The following FNBP1L variants were observed in gnomAD, a reference collection of about 807,000 sequenced individuals.
FNBP1L encodes formin binding protein 1 like, also known as formin-binding protein 1-like.
Under a neutral mutation model 91.2 loss-of-function variants are expected in FNBP1L, and 36 were observed. That is an observed-to-expected ratio of 0.39 (90% CI 0.30 to 0.52). FNBP1L has a LOEUF of 0.52. Among genes scored for constraint, FNBP1L ranks in the 20% least tolerant of loss-of-function variants. The probability of loss-of-function intolerance (pLI) is 0.66; values close to 1 mark genes in which losing one functional copy is unlikely to be tolerated. For missense variants in FNBP1L, 571 were observed against 732.1 expected, an observed-to-expected ratio of 0.78 and a Z score of 2.54; for synonymous variants, 242 against 237.0, an observed-to-expected ratio of 1.02 and a Z score of -0.19.
rs1162101786 is a variant in FNBP1L, at chr1:93,516,306, T to C, written c.141-5776T>C. ...GGCACCCGGATTTGAACCGGGGACC[T>C]CTTGATCTGCAGTCAAATGCTCTAC... On this transcript the variant is annotated intron_variant, in intron 2 of 16. Transcript: ENST00000271234. Among the ~76,000 whole-genome samples, 3 of 152,190 alleles carry C rather than the reference T, an allele frequency of 2.0e-5. No homozygotes were observed. The East Asian group carries it at 5.8e-4, about 29-fold the overall frequency.
chr1:93,532,900 T>A (rs1189850237), intron 7 of FNBP1L, 22 bp from the exon 8 acceptor site: 17 of 1,566,826 alleles, frequency 1.1e-5, no homozygotes, highest in Admixed American at 1.9e-5. Context: ...TTTCTCTTTT[T>A]AAAAAAATTC....
At chr1:93,540,812 A>G (rs1570867341) in intron 10 of FNBP1L, among the ~76,000 whole-genome samples, 1 of 151,322 alleles carries the variant, frequency 6.6e-6, no homozygotes, top group Non-Finnish European at 1.5e-5. Flanking sequence ...AGTTAAACAT[A>G]GAAAATATCT....
At chr1:93,457,266 G>A (rs774486987) in intron 1 of FNBP1L, among the ~76,000 whole-genome samples, 5 of 152,184 alleles carry the variant, frequency 3.3e-5, no homozygotes, top group Non-Finnish European at 7.3e-5. Flanking sequence ...CGTATGGTAA[G>A]TACTCTTTTG....
chr1:93,484,502 A>G (rs919791793), intron 1 of FNBP1L, among the ~76,000 whole-genome samples: 7 of 152,196 alleles, frequency 4.6e-5, no homozygotes, highest in African/African-American at 1.4e-4. Context: ...ATGAGTGCCT[A>G]TACACAAAGA....
intron 8 of FNBP1L, among the ~76,000 whole-genome samples, 155 bp from the exon 9 acceptor site, chr1:93,534,550 A>G (rs931610261): frequency 2.0e-5 from 3 of 152,184 alleles, no homozygotes; most frequent in Non-Finnish European, 4.4e-5. Context: ...AGTTTGTTAC[A>G]CATTCATGGG....
chr1:93,466,064 T>C (rs1383429218), intron 1 of FNBP1L, among the ~76,000 whole-genome samples: 1 of 152,214 alleles, frequency 6.6e-6, no homozygotes, highest in Non-Finnish European at 1.5e-5. Context: ...TGTTTTTTTT[T>C]CTTGTAAATT....
At chr1:93,534,969 G>C in intron 9 of FNBP1L, 61 bp downstream of exon 9, 1 of 1,303,032 alleles carries the variant, frequency 7.7e-7, no homozygotes, top group African/African-American at 1.5e-5. Context: ...AAACAATGTG[G>C]GTATTGAATG....
intron 14 of FNBP1L, among the ~76,000 whole-genome samples, chr1:93,548,173 A>G (rs1672301233): frequency 6.6e-6 from 1 of 152,180 alleles, no homozygotes; most frequent in Non-Finnish European, 1.5e-5. Flanking sequence ...GAAAGAGTAC[A>G]TATCTTTAAT....
In FNBP1L at chr1:93,530,230, G is replaced by T. The variant is rs147314997; in HGVS notation, c.510+474G>T. 1.9e-3 allele frequency among the ~76,000 whole-genome samples: 290 copies of T among 152,216 alleles called. 2 individuals carry two copies. Among genetic ancestry groups the T allele is most frequent in the African/African-American group, 6.7e-3 (279 of 41,574 alleles). On this transcript the variant is annotated intron_variant, in intron 6 of 16. Transcript: ENST00000271234. ...AAAGTATCTGTGGTTCTACACATTG[G>T]TGGAAACACTGTTGAATGTTGCATT... is the stretch of plus-strand genomic sequence containing the variant.
At chr1:93,516,192 G>GA (rs373718372) in intron 2 of FNBP1L, among the ~76,000 whole-genome samples, 23,391 of 149,282 alleles carry the variant, frequency 0.16, 1,998 homozygotes, top group Middle Eastern at 0.19. Flanking sequence ...TGTCAAGGGG[G>GA]AAAAAAAAAA....
chr1:93,467,330 T>G (rs534684377), intron 1 of FNBP1L, among the ~76,000 whole-genome samples: 1 of 152,298 alleles, frequency 6.6e-6, no homozygotes, highest in Non-Finnish European at 1.5e-5. Context: ...TGACACATTC[T>G]ATAAAACATG....
chr1:93,532,738 T>C (rs1201200110), intron 7 of FNBP1L, among the ~76,000 whole-genome samples, 184 bp from the exon 8 acceptor site: 4 of 152,152 alleles, frequency 2.6e-5, no homozygotes, highest in African/African-American at 9.7e-5. Context: ...TTTCTTTCTT[T>C]TGTTGTTTAG....
At chr1:93,520,256 T>C (rs988265522) in intron 2 of FNBP1L, among the ~76,000 whole-genome samples, 11 of 152,206 alleles carry the variant, frequency 7.2e-5, no homozygotes, top group African/African-American at 2.7e-4. Context: ...ATGAATAAAT[T>C]GATTCAAGTG....
At chr1:93,487,860 A>AT (rs1230698602) in intron 1 of FNBP1L, among the ~76,000 whole-genome samples, 7 of 152,188 alleles carry the variant, frequency 4.6e-5, no homozygotes, top group Middle Eastern at 3.4e-3. Context: ...GTCCAGGGTA[A>AT]TTTTTTTATC....
chr1:93,516,536 C>T (rs1385681629), intron 2 of FNBP1L, among the ~76,000 whole-genome samples: 1 of 152,136 alleles, frequency 6.6e-6, no homozygotes, highest in Non-Finnish European at 1.5e-5. Flanking sequence ...ACATCCTGGG[C>T]TGGGCACGAT....
At chr1:93,497,794 A>G (rs964358260) in intron 1 of FNBP1L, among the ~76,000 whole-genome samples, 6 of 151,904 alleles carry the variant, frequency 3.9e-5, no homozygotes, top group Non-Finnish European at 8.8e-5. Flanking sequence ...CAATTTTTGT[A>G]TTTTTAGTGG....
intron 2 of FNBP1L, among the ~76,000 whole-genome samples, chr1:93,501,195 T>C (rs1026194159): frequency 6.6e-6 from 1 of 152,144 alleles, no homozygotes; most frequent in African/African-American, 2.4e-5. Flanking sequence ...CTATAGGTAA[T>C]ACAGTGATGG....
At chr1:93,491,003 G>A (rs943139326) in intron 1 of FNBP1L, among the ~76,000 whole-genome samples, 3 of 150,232 alleles carry the variant, frequency 2.0e-5, no homozygotes, top group South Asian at 4.3e-4. Context: ...TGCAGTGTGC[G>A]ATCATGGCTC....
At chr1:93,534,573 A>AC (rs1671785193) in intron 8 of FNBP1L, 132 bp from the exon 9 acceptor site, 1 of 560,276 alleles carries the variant, frequency 1.8e-6, no homozygotes, top group Admixed American at 3.3e-5. Flanking sequence ...TAAATTATTT[A>AC]CCTTAATGAT....
Sources: gnomAD v4.1 joint callset for allele counts (sites outside exome capture counted in the v4.1 genomes callset) on GRCh38, gnomAD v4.1.1 for gene constraint, MANE v1.5 for transcripts, NCBI Gene and HGNC (gene_info 2026-07-23, HGNC 2026-07-21) for gene names.